The following NBAS variants were observed in gnomAD, a reference collection of about 807,000 sequenced individuals.
NBAS encodes NAG/BC035112 fusion.
In NBAS, 219 loss-of-function variants were observed where a neutral mutation model predicts 302.5. The observed-to-expected ratio is 0.72, with a 90% CI of 0.65 to 0.81. The LOEUF (loss-of-function observed/expected upper bound fraction) is 0.81, where lower values mean the gene tolerates loss of function less well. Among genes scored for constraint, NBAS ranks in the 30% least tolerant of loss-of-function variants. NBAS has a pLI of 0.00. For synonymous variants in NBAS, 1,118 were observed against 1,021.6 expected (o/e 1.09, Z -1.80); for missense variants, 2,932 against 2,841.6 (o/e 1.03, Z -0.72).
chr2:15,444,033 G>A (rs1394911090), intron 21 of NBAS, among the ~76,000 whole-genome samples: 1 of 151,598 alleles, frequency 6.6e-6, no homozygotes, highest in African/African-American at 2.4e-5. Context: ...AACATTCCAT[G>A]CTCATGGGTA....
intron 35 of NBAS, among the ~76,000 whole-genome samples, chr2:15,348,111 A>T (rs1371544628): frequency 6.6e-6 from 1 of 152,242 alleles, no homozygotes; most frequent in African/African-American, 2.4e-5. Context: ...ACGGCATCTT[A>T]TAGCTAAGCA....
At chr2:15,033,667 A>C in the NBAS span, among the ~76,000 whole-genome samples, 1 of 152,164 alleles carries the variant, frequency 6.6e-6, no homozygotes, top group Non-Finnish European at 1.5e-5. Flanking sequence ...GAACTCTCTT[A>C]TAAGAACAGG....
At chr2:15,320,485 A>G (rs1340851411) in intron 38 of NBAS, among the ~76,000 whole-genome samples, 1 of 152,222 alleles carries the variant, frequency 6.6e-6, no homozygotes, top group Non-Finnish European at 1.5e-5. Context: ...ACATGATCGT[A>G]TATTTAGAAA....
chr2:14,847,211 G>A, the NBAS span, among the ~76,000 whole-genome samples: 7 of 151,628 alleles, frequency 4.6e-5, no homozygotes, highest in South Asian at 2.1e-4. Flanking sequence ...GTGAAACCCC[G>A]TCTCTACTAA....
At position 15,218,864 on chromosome 2, in the gene NBAS, C is replaced by T; in HGVS notation, c.6341G>A (p.Gly2114Glu). 2 of 1,614,250 alleles carry T rather than the reference C, an allele frequency of 1.2e-6. No homozygotes were observed. Among genetic ancestry groups the T allele is most frequent in the Non-Finnish European group, 1.7e-6 (2 of 1,180,042 alleles). The change falls in exon 48 of 52, where the codon GGG becomes GAG. Residue 2114 changes from glycine to glutamate, a missense_variant. Physicochemically the swap from Gly to Glu is moderately conservative, Grantham distance 98 (BLOSUM62 -2). Coordinates refer to ENST00000281513, the MANE Select transcript of NBAS (RefSeq NM_015909.4). ...RPRIHVLQIL[G>E]QSFHLTEEDS... ...CTCCTCAGTCAGGTGAAATGATTGCCCCAAAATCTGCAGCACGTGAATGCG... is the reference window on the plus strand; with the variant it reads ...CTCCTCAGTCAGGTGAAATGATTGCTCCAAAATCTGCAGCACGTGAATGCG...
At position 15,543,963 on chromosome 2, in the gene NBAS, A is replaced by C. The variant is rs193283989; in HGVS notation, c.380-4607T>G. ...CTCTGGTGGGACATAACAAACACCC[A>C]AATTCTCAAGGAGCAGACTTCAATC... On this transcript the variant is annotated intron_variant, in intron 6 of 51. Transcript: ENST00000281513. 4.5e-4 allele frequency among the ~76,000 whole-genome samples: 69 copies of C among 152,328 alleles called. No homozygotes were observed. In the Middle Eastern group the frequency reaches 0.01, roughly 23 times the overall value.
chr2:15,462,562 T>C (rs1341867943), intron 19 of NBAS, among the ~76,000 whole-genome samples: 2 of 151,950 alleles, frequency 1.3e-5, no homozygotes, highest in Non-Finnish European at 2.9e-5. Flanking sequence ...CAATAAATAT[T>C]TGTTGACTGA....
intron 45 of NBAS, among the ~76,000 whole-genome samples, chr2:15,237,736 C>T (rs1667662140): frequency 6.8e-6 from 1 of 147,990 alleles, no homozygotes; most frequent in South Asian, 2.1e-4. Context: ...GCTGGGATTA[C>T]AGGTGTTGTG....
chr2:14,922,457 G>T, the NBAS span, among the ~76,000 whole-genome samples: 1 of 152,196 alleles, frequency 6.6e-6, no homozygotes, highest in Non-Finnish European at 1.5e-5. Flanking sequence ...GTTCAAAGTA[G>T]GGAGGTGGTG....
At chr2:15,152,531 G>A in the NBAS span, among the ~76,000 whole-genome samples, 109 of 152,148 alleles carry the variant, frequency 7.2e-4, no homozygotes, top group Non-Finnish European at 4.0e-4. Flanking sequence ...CCAATCACAG[G>A]GTGCTAACTG....
the NBAS span, among the ~76,000 whole-genome samples, chr2:14,800,657 C>T: frequency 1.2e-4 from 18 of 152,090 alleles, no homozygotes; most frequent in Non-Finnish European, 2.6e-4. Flanking sequence ...CATTTATAAA[C>T]CTTAAAGACT....
chr2:15,050,899 A>C, the NBAS span, among the ~76,000 whole-genome samples: 7 of 152,128 alleles, frequency 4.6e-5, no homozygotes, highest in Non-Finnish European at 8.8e-5. Flanking sequence ...AAGGAGGGAG[A>C]GAATGATAGA....
the NBAS span, among the ~76,000 whole-genome samples, chr2:15,114,805 G>T: frequency 2.6e-5 from 4 of 152,138 alleles, no homozygotes; most frequent in East Asian, 5.8e-4. Flanking sequence ...TTGTTTTTTT[G>T]CAGTTTTCTG....
chr2:15,471,821 A>G lies in NBAS; in HGVS notation c.1725+1401T>C, dbSNP rs1253457725. Among the ~76,000 whole-genome samples the G allele has an allele frequency of 2.0e-5, 3 of 152,278 alleles. No individual in the cohort carries two copies. The East Asian group carries it at 5.8e-4, about 29-fold the overall frequency. On this transcript the variant is annotated intron_variant, in intron 16 of 51. Transcript: ENST00000281513. ...TCTGCCATATAAGGACACAGCAAGA[A>G]AGAAATCCATCTGCAAACCAGGAGA...
intron 49 of NBAS, among the ~76,000 whole-genome samples, chr2:15,188,219 T>C (rs958576445): frequency 2.0e-5 from 3 of 152,236 alleles, no homozygotes; most frequent in African/African-American, 7.2e-5. Context: ...TCCATGCATT[T>C]TCCTACAAGG....
At chr2:15,353,182 G>A (rs1048767487) in intron 34 of NBAS, among the ~76,000 whole-genome samples, 6 of 152,054 alleles carry the variant, frequency 3.9e-5, no homozygotes, top group African/African-American at 1.4e-4. Flanking sequence ...AATTTCCAAA[G>A]GATCCCTAAG....
At chr2:15,533,242 T>A (rs1366350706) in intron 9 of NBAS, among the ~76,000 whole-genome samples, 1 of 152,178 alleles carries the variant, frequency 6.6e-6, no homozygotes, top group East Asian at 1.9e-4. Flanking sequence ...TGTACTAACC[T>A]GACAATCCAG....
chr2:15,139,433 T>C, the NBAS span, among the ~76,000 whole-genome samples: 2 of 152,184 alleles, frequency 1.3e-5, no homozygotes, highest in African/African-American at 2.4e-5. Flanking sequence ...TTTAAGATAG[T>C]AAATGTGATT....
At chr2:14,850,845 A>T in the NBAS span, among the ~76,000 whole-genome samples, 4 of 109,856 alleles carry the variant, frequency 3.6e-5, no homozygotes, top group Non-Finnish European at 6.8e-5. Context: ...TACATAACGA[A>T]ATGAAGGCAG....
Sources: allele counts gnomAD v4.1 joint callset (sites outside exome capture counted in the v4.1 genomes callset), GRCh38; gene constraint gnomAD v4.1.1; transcripts MANE v1.5; gene names NCBI Gene and HGNC (gene_info 2026-07-23, HGNC 2026-07-21).